Variants in CHST9 observed in about 807,000 individuals in gnomAD.
CHST9 encodes the protein GalNAc-4-sulfotransferase 2.
In CHST9, 41 loss-of-function variants were observed where a neutral mutation model predicts 44.4. That is an observed-to-expected ratio of 0.92 (90% confidence interval 0.72 to 1.20). The LOEUF (loss-of-function observed/expected upper bound fraction) is 1.20, where lower values mean the gene tolerates loss of function less well. Ranked by LOEUF, CHST9 falls within the 50% of genes most tolerant of loss-of-function variation. The pLI is 0.00. For missense variants in CHST9, 504 were observed against 516.5 expected, an observed-to-expected ratio of 0.98 and a Z score of 0.23; for synonymous variants, 171 against 178.4, an observed-to-expected ratio of 0.96 and a Z score of 0.33.
At chr18:27,110,196 T>A (rs1467797489) in intron 2 of CHST9, among the ~76,000 whole-genome samples, 1 of 151,568 alleles carries the variant, frequency 6.6e-6, no homozygotes, top group African/African-American at 2.4e-5. Flanking sequence ...GTTTTGCCAA[T>A]TTGCTACTTC....
At chr18:27,183,710 T>C (rs1342777016) in intron 1 of CHST9, among the ~76,000 whole-genome samples, 1 of 152,222 alleles carries the variant, frequency 6.6e-6, no homozygotes, top group African/African-American at 2.4e-5. Context: ...GATCGTATGG[T>C]GTAGAATTGT....
chr18:27,114,132 T>G (rs1386456026), intron 2 of CHST9, among the ~76,000 whole-genome samples: 1 of 152,220 alleles, frequency 6.6e-6, no homozygotes, highest in Non-Finnish European at 1.5e-5. Context: ...GACTGAAGTT[T>G]GAAAATGAGT....
At chr18:27,153,762 G>A (rs550983082) in intron 1 of CHST9, among the ~76,000 whole-genome samples, 1 of 152,184 alleles carries the variant, frequency 6.6e-6, no homozygotes, top group South Asian at 2.1e-4. Flanking sequence ...ATATCTTTTT[G>A]GGGTCACCAT....
chr18:27,047,388 T>TTGTGTGTGTGTGTGTGTG lies in CHST9; in HGVS notation c.160+1059_160+1076dup, dbSNP rs55698484. On this transcript the variant is annotated intron_variant, in intron 3 of 5. Transcript: ENST00000618847. ...CTCAGACACTTTCTTGCCTTCATAA[T>TTGTGTGTGTGTGTGTGTG]TGTGTGTGTGTGTGTGTGTGTGTGT... 7.9e-3 allele frequency among the ~76,000 whole-genome samples: 1,144 copies of TTGTGTGTGTGTGTGTGTG among 145,622 alleles called. 10 individuals are homozygous for TTGTGTGTGTGTGTGTGTG. Among genetic ancestry groups the TTGTGTGTGTGTGTGTGTG allele is most frequent in the Middle Eastern group, 0.021 (6 of 288 alleles).
chr18:27,013,899 T>G (rs1197883183), intron 4 of CHST9, among the ~76,000 whole-genome samples: 1 of 152,204 alleles, frequency 6.6e-6, no homozygotes, highest in East Asian at 1.9e-4. Context: ...ACTCTTTCTT[T>G]TATGTAAAAG....
At chr18:27,071,054 C>T (rs1254977627) in intron 2 of CHST9, among the ~76,000 whole-genome samples, 1 of 152,174 alleles carries the variant, frequency 6.6e-6, no homozygotes, top group Non-Finnish European at 1.5e-5. Flanking sequence ...CCTCTGCCAA[C>T]TGGCGCTAGT....
intron 2 of CHST9, among the ~76,000 whole-genome samples, chr18:27,050,650 T>G (rs975957903): frequency 2.0e-5 from 3 of 152,152 alleles, no homozygotes; most frequent in African/African-American, 7.2e-5. Context: ...CCAGAGGACT[T>G]GTTTGATGCA....
chr18:27,138,096 C>T (rs1057320488), intron 2 of CHST9, among the ~76,000 whole-genome samples: 1 of 152,128 alleles, frequency 6.6e-6, no homozygotes, highest in Non-Finnish European at 1.5e-5. Flanking sequence ...GCCTGCAACT[C>T]ATTAGTTTGT....
At chr18:27,124,891 C>G (rs181927955) in intron 2 of CHST9, among the ~76,000 whole-genome samples, 66 of 152,252 alleles carry the variant, frequency 4.3e-4, no homozygotes, top group Middle Eastern at 3.4e-3. Context: ...CAGTATATTT[C>G]TGGCAGAGTG....
chr18:27,182,751 C>T (rs961501372), intron 1 of CHST9, among the ~76,000 whole-genome samples: 2 of 152,088 alleles, frequency 1.3e-5, no homozygotes, highest in Non-Finnish European at 2.9e-5. Context: ...GATTACATCC[C>T]AACTCATCCA....
rs1195521457 is a variant in CHST9, at chr18:26,917,086, T to A, written c.505A>T (p.Lys169Ter). 2 of 1,613,998 alleles carry A rather than the reference T, an allele frequency of 1.2e-6. No individual in the cohort carries two copies. The highest frequency in any genetic ancestry group is 2.2e-5 in the South Asian group (2 of 91,080). The change falls in exon 6 of 6, where the codon AAG (lysine) becomes TAG (stop). Residue 169 changes from lysine to a stop codon, truncating the protein, a stop_gained. Transcript: ENST00000618847. LOFTEE classifies it high-confidence loss of function. ...TTCTCTTGGGTCTCCTCAGTTTTCT[T>A]CCATTTATTATCTTTGACTAAACTT... ...NKSLVKDNKWKKTEETQEKRR... is the reference protein window; with the variant it reads ...NKSLVKDNKW
chr18:27,118,127 C>T (rs2058344732), intron 2 of CHST9, among the ~76,000 whole-genome samples: 1 of 152,142 alleles, frequency 6.6e-6, no homozygotes, highest in African/African-American at 2.4e-5. Context: ...ATTTGCAATT[C>T]CCTAATGACA....
rs776465167 is a variant in CHST9 at position 27,017,877 on chromosome 18, G to A, written c.202+6239C>T. ...TTTGGAATATTTCCCTACTTTCTAG[G>A]CATGTGAAACATTTTTAGAATTCTT... On this transcript the variant is annotated intron_variant, in intron 4 of 5. Transcript: ENST00000618847. 2.3e-4 allele frequency among the ~76,000 whole-genome samples: 35 copies of A among 151,962 alleles called. 1 individual carries two copies. The highest frequency in any genetic ancestry group is 2.2e-4 in the Non-Finnish European group (15 of 67,982).
intron 2 of CHST9, among the ~76,000 whole-genome samples, chr18:27,129,375 T>A (rs2058453204): frequency 6.6e-6 from 1 of 152,024 alleles, no homozygotes; most frequent in Non-Finnish European, 1.5e-5. Context: ...ATTTTTTATT[T>A]TTTTTATTTT....
intron 4 of CHST9, among the ~76,000 whole-genome samples, chr18:26,960,055 A>G (rs578141354): frequency 2.2e-4 from 34 of 152,334 alleles, no homozygotes; most frequent in Admixed American, 1.6e-3. Context: ...AAATAGGTCC[A>G]ATTTAAAGAA....
At chr18:27,079,116 G>C (rs986659359) in intron 2 of CHST9, among the ~76,000 whole-genome samples, 1 of 152,116 alleles carries the variant, frequency 6.6e-6, no homozygotes, top group African/African-American at 2.4e-5. Context: ...AATAATGGCA[G>C]AACTGTTTAT....
intron 4 of CHST9, among the ~76,000 whole-genome samples, chr18:26,982,523 G>A (rs1469215978): frequency 6.6e-6 from 1 of 152,142 alleles, no homozygotes; most frequent in African/African-American, 2.4e-5. Context: ...TTCACTTAGA[G>A]TAAATTCATT....
chr18:26,958,661 T>C (rs1426005433), intron 4 of CHST9, among the ~76,000 whole-genome samples: 1 of 152,066 alleles, frequency 6.6e-6, no homozygotes, highest in Non-Finnish European at 1.5e-5. Flanking sequence ...CATTAAAAAA[T>C]GGACAAAAGA....
chr18:27,042,786 T>TCTCC (rs59728816), intron 3 of CHST9, among the ~76,000 whole-genome samples: 1 of 151,780 alleles, frequency 6.6e-6, no homozygotes, highest in Non-Finnish European at 1.5e-5. Flanking sequence ...TCTCTCTCTC[T>TCTCC]CTCCCTCCCT....
Sources: gnomAD v4.1 joint callset for allele counts (sites outside exome capture counted in the v4.1 genomes callset) on GRCh38, gnomAD v4.1.1 for gene constraint, MANE v1.5 for transcripts, NCBI Gene and HGNC (gene_info 2026-07-23, HGNC 2026-07-21) for gene names.